Variants in CADM2 observed in about 807,000 individuals in gnomAD.
CADM2 encodes cell adhesion molecule 2.
A neutral mutation model predicts 49.8 loss-of-function variants in CADM2; 12 were observed. That is an observed-to-expected ratio of 0.24 (90% CI 0.15 to 0.39). CADM2 has a LOEUF of 0.39. Ranked by LOEUF, CADM2 falls within the 10% of genes least tolerant of loss-of-function variation. The pLI, the probability that CADM2 is intolerant of heterozygous loss-of-function variation, is 1.00. For missense variants in CADM2, 378 were observed against 492.3 expected (o/e 0.77, Z 2.20); for synonymous variants, 214 against 175.4 (o/e 1.22, Z -1.74).
At position 85,759,431 on chromosome 3, in the gene CADM2, A is replaced by T. The variant is rs560727898; in HGVS notation, c.88+32883A>T. On this transcript the variant is annotated intron_variant, in intron 2 of 9. Coordinates refer to ENST00000383699, the MANE Select transcript of CADM2 (RefSeq NM_001167675.2). ...CGCAATGCAACACAAACACAATAAA[A>T]TAATGTATGATATTGCATAAGCAAT... Among the ~76,000 whole-genome samples, 54 of 152,188 alleles carry T rather than the reference A, an allele frequency of 3.5e-4. 2 individuals are homozygous for T. The South Asian group carries it at 9.9e-3, about 28-fold the overall frequency.
chr3:85,768,470 T>TAAATAAATAATA (rs11456585), intron 2 of CADM2, among the ~76,000 whole-genome samples: 176 of 143,798 alleles, frequency 1.2e-3, no homozygotes, highest in Middle Eastern at 3.8e-3. Flanking sequence ...AATAAATAAA[T>TAAATAAATAATA]AATAAATAAA....
intron 2 of CADM2, among the ~76,000 whole-genome samples, chr3:85,793,761 C>G (rs1176292762): frequency 6.6e-6 from 1 of 152,182 alleles, no homozygotes; most frequent in South Asian, 2.1e-4. Context: ...GCATCTTTGA[C>G]ATGTTTGACT....
intron 8 of CADM2, among the ~76,000 whole-genome samples, chr3:85,983,507 A>G (rs1727713941): frequency 6.6e-6 from 1 of 151,726 alleles, no homozygotes; most frequent in South Asian, 2.1e-4. Context: ...CTTGAGAGTT[A>G]TATAATATCT....
At chr3:85,843,899 G>C (rs73845694) in intron 3 of CADM2, among the ~76,000 whole-genome samples, 1 of 151,482 alleles carries the variant, frequency 6.6e-6, no homozygotes, top group Non-Finnish European at 1.5e-5. Flanking sequence ...TGTGTGTGTG[G>C]GGGGGGAGCG....
intron 6 of CADM2, among the ~76,000 whole-genome samples, chr3:85,918,754 G>A (rs1017596452): frequency 6.6e-6 from 1 of 152,182 alleles, no homozygotes; most frequent in Middle Eastern, 3.4e-3. Context: ...CTTCACAACT[G>A]AGCAGTGGGA....
chr3:85,835,889 G>A (rs191950714), intron 3 of CADM2, among the ~76,000 whole-genome samples: 2,751 of 150,630 alleles, frequency 0.018, 27 homozygotes, highest in Non-Finnish European at 0.031. Flanking sequence ...GTCTTTTCAT[G>A]TTACTCCCTT....
At chr3:85,701,971 C>CATAAATAGATAGATAG (rs1276552743) in intron 1 of CADM2, among the ~76,000 whole-genome samples, 7 of 134,232 alleles carry the variant, frequency 5.2e-5, no homozygotes, top group Non-Finnish European at 1.1e-4. Context: ...GATAGATAGA[C>CATAAATAGATAGATAG]ATAGATAGAT....
intron 5 of CADM2, among the ~76,000 whole-genome samples, chr3:85,909,129 G>C (rs71316820): frequency 0.089 from 13,574 of 152,090 alleles, 745 homozygotes; most frequent in Non-Finnish European, 0.12. Context: ...CACCGCTTTT[G>C]ATGTAGAGCA....
chr3:85,445,087 A>G (rs1280423386), intron 1 of CADM2, among the ~76,000 whole-genome samples: 1 of 152,182 alleles, frequency 6.6e-6, no homozygotes, highest in Non-Finnish European at 1.5e-5. Context: ...AGTCCCAGCA[A>G]CAACCCTGTA....
chr3:85,355,409 T>C (rs2031770856), intron 1 of CADM2, among the ~76,000 whole-genome samples: 1 of 152,144 alleles, frequency 6.6e-6, no homozygotes, highest in Admixed American at 6.6e-5. Flanking sequence ...TAGGTCCCCT[T>C]GGCTTAGAGA....
At chr3:85,155,061 A>C (rs1215838268) in intron 1 of CADM2, among the ~76,000 whole-genome samples, 1 of 148,046 alleles carries the variant, frequency 6.8e-6, no homozygotes, top group African/African-American at 2.7e-5. Context: ...CTAACATCAT[A>C]ATGACAGGAT....
chr3:85,671,764 C>T (rs967608358), intron 1 of CADM2, among the ~76,000 whole-genome samples: 1 of 152,144 alleles, frequency 6.6e-6, no homozygotes, highest in African/African-American at 2.4e-5. Flanking sequence ...AATTTATGCA[C>T]ACCTCTGTTT....
intron 1 of CADM2, among the ~76,000 whole-genome samples, chr3:85,670,347 T>G (rs2065700209): frequency 6.6e-6 from 1 of 152,184 alleles, no homozygotes; most frequent in Non-Finnish European, 1.5e-5. Flanking sequence ...TTCTATCAAC[T>G]AGTAGAAAAT....
chr3:85,752,472 G>GCACA (rs3044028), intron 2 of CADM2, among the ~76,000 whole-genome samples: 55,510 of 147,672 alleles, frequency 0.38, 10,344 homozygotes, highest in East Asian at 0.44. Context: ...ATGTGTGCGT[G>GCACA]CACACACACA....
chr3:85,884,208 C>A (rs1220700560), intron 4 of CADM2, among the ~76,000 whole-genome samples: 3 of 152,178 alleles, frequency 2.0e-5, no homozygotes, highest in Admixed American at 1.3e-4. Context: ...AACACACCTG[C>A]GTGCTGAACA....
At chr3:85,609,448 G>A (rs148404865) in intron 1 of CADM2, among the ~76,000 whole-genome samples, 2 of 152,114 alleles carry the variant, frequency 1.3e-5, no homozygotes, top group African/African-American at 4.8e-5. Flanking sequence ...GTAAATTTAC[G>A]TTCCTCATTC....
intron 1 of CADM2, among the ~76,000 whole-genome samples, chr3:85,565,440 C>T (rs1361586434): frequency 6.6e-6 from 1 of 151,994 alleles, no homozygotes; most frequent in Non-Finnish European, 1.5e-5. Context: ...AGGAATGATA[C>T]AACTTCAGGA....
chr3:85,465,260 T>G (rs962472158), intron 1 of CADM2, among the ~76,000 whole-genome samples: 1 of 152,204 alleles, frequency 6.6e-6, no homozygotes, highest in African/African-American at 2.4e-5. Context: ...TCTTGTCGCA[T>G]AAGATGTGGA....
At chr3:84,960,906 A>T (rs541943348) in intron 1 of CADM2, among the ~76,000 whole-genome samples, 1 of 152,152 alleles carries the variant, frequency 6.6e-6, no homozygotes, top group African/African-American at 2.4e-5. Flanking sequence ...AAGGCGGAAG[A>T]TTGTTGCTTT....
Sources: allele counts gnomAD v4.1 joint callset (sites outside exome capture counted in the v4.1 genomes callset), GRCh38; gene constraint gnomAD v4.1.1; transcripts MANE v1.5; gene names NCBI Gene and HGNC (gene_info 2026-07-23, HGNC 2026-07-21).